Variants in ANXA4 observed in about 807,000 individuals in gnomAD.
ANXA4 encodes annexin A4, also known as 35-beta calcimedin.
ANXA4 carries 39 observed loss-of-function variants against 49.8 expected under a neutral mutation model. The observed-to-expected ratio is 0.78, with a 90% CI of 0.61 to 1.02. The LOEUF (loss-of-function observed/expected upper bound fraction) is 1.02, where lower values mean the gene tolerates loss of function less well. Among genes scored for constraint, ANXA4 ranks in the 50% least tolerant of loss-of-function variants. The pLI, the probability that ANXA4 is intolerant of heterozygous loss-of-function variation, is 0.00. For missense variants in ANXA4, 360 were observed against 410.1 expected (o/e 0.88, Z 1.05); for synonymous variants, 134 against 152.5 (o/e 0.88, Z 0.89).
In ANXA4 at chr2:69,658,967, A is replaced by T. The variant is rs139788951; in HGVS notation, n.766+5685A>T. On this transcript the variant is annotated intron_variant and non_coding_transcript_variant, in intron 2 of 3. Coordinates refer to the ANXA4 transcript ENST00000418066. ...CGCCGTAGGCTCCCAAAGTGCTGGGATTACAGGCGTGAGCCACTATGCCTG... is the reference window on the plus strand; with the variant it reads ...CGCCGTAGGCTCCCAAAGTGCTGGGTTTACAGGCGTGAGCCACTATGCCTG... Among the ~76,000 whole-genome samples the T allele has an allele frequency of 7.9e-3, 1,200 of 152,318 alleles. 11 individuals carry two copies. The highest frequency in any genetic ancestry group is 0.013 in the Non-Finnish European group (871 of 68,022).
chr2:69,757,238 T>TTTTATATATA (rs1267602375), intron 1 of ANXA4, among the ~76,000 whole-genome samples: 1 of 59,060 alleles, frequency 1.7e-5, no homozygotes, highest in African/African-American at 6.3e-5. Context: ...CATTTTTGTT[T>TTTTATATATA]TATATATATA....
At chr2:69,823,092 ATT>A (rs999921036) in intron 12 of ANXA4, among the ~76,000 whole-genome samples, 16 of 149,908 alleles carry the variant, frequency 1.1e-4, no homozygotes, top group Admixed American at 1.0e-3. Context: ...TTTATTATAT[ATT>A]GTTATTACTA....
chr2:69,683,373 T>C (rs1288407671), intron 2 of ANXA4, among the ~76,000 whole-genome samples: 1 of 152,172 alleles, frequency 6.6e-6, no homozygotes, highest in East Asian at 1.9e-4. Context: ...TTGTTCTAAT[T>C]GAGTGATGTT....
intron 1 of ANXA4, among the ~76,000 whole-genome samples, chr2:69,771,415 T>C (rs1367235722): frequency 6.6e-6 from 1 of 152,226 alleles, no homozygotes; most frequent in Admixed American, 6.5e-5. Flanking sequence ...CATGCTAATA[T>C]CTTCCAGCAA....
intron 2 of ANXA4, among the ~76,000 whole-genome samples, chr2:69,689,279 G>A (rs1677887223): frequency 6.6e-6 from 1 of 151,560 alleles, no homozygotes; most frequent in Non-Finnish European, 1.5e-5. Context: ...ATAGAGAGAG[G>A]GTCTTACTAT....
chr2:69,644,164 T>TCCCCCCCCCCCCC (rs1559030592), upstream of ANXA4, among the ~76,000 whole-genome samples: 1 of 16,458 alleles, frequency 6.1e-5, no homozygotes. Context: ...AACAACTAAG[T>TCCCCCCCCCCCCC]TCCCCCCCCC....
At chr2:69,716,503 C>T (rs750741369) in intron 2 of ANXA4, among the ~76,000 whole-genome samples, 2 of 151,996 alleles carry the variant, frequency 1.3e-5, no homozygotes, top group African/African-American at 2.4e-5. Context: ...GAGAGACGGG[C>T]GAGAGCCACA....
At chr2:69,761,172 G>A (rs1271314950) in intron 1 of ANXA4, among the ~76,000 whole-genome samples, 1 of 151,942 alleles carries the variant, frequency 6.6e-6, no homozygotes, top group Non-Finnish European at 1.5e-5. Context: ...ATTTCAACAT[G>A]TAATCAATAT....
chr2:69,660,453 C>T (rs1676670338), intron 2 of ANXA4, among the ~76,000 whole-genome samples: 1 of 152,088 alleles, frequency 6.6e-6, no homozygotes, highest in South Asian at 2.1e-4. Context: ...CACCCATAAG[C>T]TCAGTTAAGA....
At chr2:69,804,857 C>A (rs766696295) in intron 4 of ANXA4, among the ~76,000 whole-genome samples, 1 of 151,844 alleles carries the variant, frequency 6.6e-6, no homozygotes, top group Non-Finnish European at 1.5e-5. Flanking sequence ...ACCAACCTGG[C>A]CAACATGGTG....
intron 1 of ANXA4, among the ~76,000 whole-genome samples, chr2:69,763,598 T>C (rs533986564): frequency 1.3e-5 from 2 of 152,136 alleles, no homozygotes; most frequent in Non-Finnish European, 2.9e-5. Context: ...CATTTTCTTT[T>C]TTTAAATGAC....
chr2:69,797,758 A>G (rs1673004342), intron 3 of ANXA4, among the ~76,000 whole-genome samples: 1 of 152,210 alleles, frequency 6.6e-6, no homozygotes, highest in African/African-American at 2.4e-5. Flanking sequence ...GTTTTGGAGG[A>G]CATGTTCCTC....
intron 2 of ANXA4, among the ~76,000 whole-genome samples, chr2:69,659,540 T>C (rs1288453301): frequency 1.3e-5 from 2 of 152,220 alleles, no homozygotes. Flanking sequence ...ACTTCTGGGC[T>C]CAAGTGATGC....
At chr2:69,778,573 C>T (rs937376944) in intron 1 of ANXA4, among the ~76,000 whole-genome samples, 1 of 152,090 alleles carries the variant, frequency 6.6e-6, no homozygotes, top group African/African-American at 2.4e-5. Flanking sequence ...GTCGGGAGTT[C>T]GAGACCAGCC....
chr2:69,656,940 A>G (rs539589265), intron 2 of ANXA4, among the ~76,000 whole-genome samples: 18 of 152,112 alleles, frequency 1.2e-4, no homozygotes, highest in African/African-American at 4.1e-4. Flanking sequence ...GAAATATCAT[A>G]CACTGTGAGC....
intron 1 of ANXA4, among the ~76,000 whole-genome samples, chr2:69,746,850 T>C (rs936233506): frequency 2.7e-5 from 4 of 150,880 alleles, no homozygotes; most frequent in African/African-American, 7.3e-5. Context: ...CTATAAAAAT[T>C]AGCCAGGTGT....
At chr2:69,660,182 C>T (rs146070184) in intron 2 of ANXA4, among the ~76,000 whole-genome samples, 22 of 152,316 alleles carry the variant, frequency 1.4e-4, no homozygotes, top group African/African-American at 5.3e-4. Context: ...TCTGCAGAGT[C>T]ATTAAAAACC....
intron 5 of ANXA4, 53 bp from the exon 6 acceptor site, chr2:69,807,853 C>A: frequency 6.9e-7 from 1 of 1,457,160 alleles, no homozygotes; most frequent in Non-Finnish European, 9.6e-7. Flanking sequence ...TGTGTCTGGG[C>A]CTCAGCTTTG....
intron 8 of ANXA4, 91 bp from the exon 9 acceptor site, chr2:69,816,010 C>A: frequency 1.0e-6 from 1 of 1,001,380 alleles, no homozygotes; most frequent in Non-Finnish European, 1.6e-6. Context: ...TAAAACTAAG[C>A]CAGCTCAGCT....
Sources: allele counts gnomAD v4.1 joint callset (sites outside exome capture counted in the v4.1 genomes callset), GRCh38; gene constraint gnomAD v4.1.1; transcripts MANE v1.5; gene names NCBI Gene and HGNC (gene_info 2026-07-23, HGNC 2026-07-21).